The following ZSWIM6 variants were observed in gnomAD, a reference collection of about 807,000 sequenced individuals.
ZSWIM6 encodes the protein zinc finger SWIM-type containing 6.
ZSWIM6 carries 9 observed loss-of-function variants against 113.2 expected under a neutral mutation model. The ratio of observed to expected loss-of-function variants is 0.08; its 90% CI spans 0.05 to 0.14. The LOEUF (loss-of-function observed/expected upper bound fraction) is 0.14. Among genes scored for constraint, ZSWIM6 ranks in the 10% least tolerant of loss-of-function variants. ZSWIM6 has a pLI of 1.00. For synonymous variants in ZSWIM6, 611 were observed against 606.5 expected, an observed-to-expected ratio of 1.01 and a Z score of -0.11; for missense variants, 1,162 against 1,552.2, an observed-to-expected ratio of 0.75 and a Z score of 4.22.
intron 1 of ZSWIM6, among the ~76,000 whole-genome samples, chr5:61,417,028 G>A (rs866256358): frequency 1.6e-4 from 25 of 152,274 alleles, no homozygotes; most frequent in Admixed American, 3.3e-4. Context: ...TGTAATCCCA[G>A]CTACTCGGGA....
chr5:61,529,990 C>A, intron 7 of ZSWIM6, 62 bp from the exon 8 acceptor site: 1 of 1,404,518 alleles, frequency 7.1e-7, no homozygotes, highest in South Asian at 1.5e-5. Context: ...TCTGTTTTCC[C>A]CACTTCTTTC....
intron 1 of ZSWIM6, among the ~76,000 whole-genome samples, chr5:61,393,876 A>G (rs558402747): frequency 7.2e-5 from 11 of 152,172 alleles, no homozygotes; most frequent in African/African-American, 2.7e-4. Context: ...TCTTTTCCAG[A>G]TATGCGGCTT....
At chr5:61,522,543 T>C (rs1274022423) in intron 5 of ZSWIM6, among the ~76,000 whole-genome samples, 2 of 152,194 alleles carry the variant, frequency 1.3e-5, no homozygotes, top group Non-Finnish European at 2.9e-5. Context: ...TATTACTCCA[T>C]AGGGACTTTT....
At chr5:61,518,978 A>G (rs1489277524) in intron 4 of ZSWIM6, among the ~76,000 whole-genome samples, 3 of 152,020 alleles carry the variant, frequency 2.0e-5, no homozygotes, top group South Asian at 2.1e-4. Flanking sequence ...AGGTGTAAGG[A>G]AGGGATCCAG....
intron 1 of ZSWIM6, among the ~76,000 whole-genome samples, chr5:61,431,372 CAAAAAAA>C (rs397881994): frequency 6.7e-5 from 3 of 44,538 alleles, no homozygotes; most frequent in East Asian, 7.4e-4. Context: ...ACTCCATCTC[CAAAAAAA>C]AAAAAAAAAA....
intron 3 of ZSWIM6, 135 bp from the exon 4 acceptor site, chr5:61,494,125 C>T: frequency 1.2e-6 from 1 of 815,748 alleles, no homozygotes; most frequent in East Asian, 3.3e-5. Flanking sequence ...TCCTCCACCA[C>T]ACACACACAC....
intron 1 of ZSWIM6, among the ~76,000 whole-genome samples, chr5:61,357,302 T>G (rs1442388569): frequency 6.6e-6 from 1 of 152,172 alleles, no homozygotes. Flanking sequence ...TGATGAGGGC[T>G]TTTAAAGCAG....
intron 1 of ZSWIM6, among the ~76,000 whole-genome samples, chr5:61,359,838 G>GA (rs939561822): frequency 1.7e-4 from 26 of 151,456 alleles, no homozygotes; most frequent in African/African-American, 4.1e-4. Flanking sequence ...CAGGAAAATG[G>GA]AAAAAAAACA....
At chr5:61,362,423 C>G (rs1318095919) in intron 1 of ZSWIM6, among the ~76,000 whole-genome samples, 1 of 152,098 alleles carries the variant, frequency 6.6e-6, no homozygotes, top group Non-Finnish European at 1.5e-5. Context: ...GTCTCTAACT[C>G]CTGACCTCAG....
At chr5:61,412,719 T>A (rs1746170993) in intron 1 of ZSWIM6, among the ~76,000 whole-genome samples, 1 of 152,224 alleles carries the variant, frequency 6.6e-6, no homozygotes, top group African/African-American at 2.4e-5. Flanking sequence ...ATCTATGTTT[T>A]CTTAGGAGTG....
chr5:61,356,741 A>T (rs11954817), intron 1 of ZSWIM6, among the ~76,000 whole-genome samples: 45,402 of 107,990 alleles, frequency 0.42, 8,187 homozygotes, highest in South Asian at 0.53. Context: ...AATATATATT[A>T]TATATATATA....
intron 1 of ZSWIM6, among the ~76,000 whole-genome samples, chr5:61,449,498 G>A (rs2112155995): frequency 6.6e-6 from 1 of 152,278 alleles, no homozygotes; most frequent in South Asian, 2.1e-4. Context: ...CTGAGTAGCT[G>A]AGATTGCAGA....
At chr5:61,397,774 C>T (rs1030575645) in intron 1 of ZSWIM6, among the ~76,000 whole-genome samples, 1 of 152,120 alleles carries the variant, frequency 6.6e-6, no homozygotes, top group Non-Finnish European at 1.5e-5. Context: ...GCCTTTTTAG[C>T]TCACTAACTC....
At chr5:61,337,343 C>T (rs1744424538) in intron 1 of ZSWIM6, among the ~76,000 whole-genome samples, 1 of 152,148 alleles carries the variant, frequency 6.6e-6, no homozygotes, top group Admixed American at 6.5e-5. Context: ...CCATTTTCTT[C>T]TACCACATTG....
At chr5:61,492,160 G>C (rs1028774004) in intron 3 of ZSWIM6, among the ~76,000 whole-genome samples, 3 of 151,922 alleles carry the variant, frequency 2.0e-5, no homozygotes, top group African/African-American at 7.2e-5. Context: ...TATTTTCATT[G>C]CTGTTGCTGT....
chr5:61,467,241 C>G (rs1330879541), intron 1 of ZSWIM6, among the ~76,000 whole-genome samples: 1 of 152,086 alleles, frequency 6.6e-6, no homozygotes, highest in African/African-American at 2.4e-5. Context: ...AAAAAAATAT[C>G]TATATCAAAT....
chr5:61,340,351 A>G (rs1249767453), intron 1 of ZSWIM6, among the ~76,000 whole-genome samples: 3 of 152,212 alleles, frequency 2.0e-5, no homozygotes, highest in African/African-American at 7.2e-5. Flanking sequence ...ATATGTCTAC[A>G]AATATATATA....
intron 5 of ZSWIM6, among the ~76,000 whole-genome samples, chr5:61,525,114 G>A (rs1337973023): frequency 1.3e-5 from 2 of 152,318 alleles, no homozygotes; most frequent in Middle Eastern, 3.4e-3. Flanking sequence ...CATGGAACCT[G>A]CCCAGGAGTC....
intron 1 of ZSWIM6, among the ~76,000 whole-genome samples, chr5:61,350,208 C>T (rs1744751540): frequency 6.6e-6 from 1 of 152,216 alleles, no homozygotes; most frequent in African/African-American, 2.4e-5. Flanking sequence ...GTCTCTTTTC[C>T]TATACAGTCA....
Sources: allele counts gnomAD v4.1 joint callset (sites outside exome capture counted in the v4.1 genomes callset), GRCh38; gene constraint gnomAD v4.1.1; transcripts MANE v1.5; gene names NCBI Gene and HGNC (gene_info 2026-07-23, HGNC 2026-07-21).